Variants in CNOT3 observed in about 807,000 individuals in gnomAD.
The protein encoded by CNOT3 is CCR4-NOT transcription complex subunit 3, also known as CCR4-associated factor 3.
A neutral mutation model predicts 89.4 loss-of-function variants in CNOT3; 2 were observed. The observed-to-expected ratio is 0.02, with a 90% confidence interval of 0.01 to 0.07. The LOEUF (loss-of-function observed/expected upper bound fraction) is 0.07. CNOT3 is among the 10% of genes least tolerant of loss of function. The pLI is 1.00. For synonymous variants in CNOT3, 486 were observed against 402.0 expected (o/e 1.21, Z -2.50); for missense variants, 664 against 1,010.2 (o/e 0.66, Z 4.65).
intron 17 of CNOT3, 197 bp downstream of exon 17, chr19:54,154,037 C>T (rs1568694099): frequency 1.3e-6 from 1 of 754,362 alleles, no homozygotes; most frequent in Non-Finnish European, 2.4e-6. Flanking sequence ...TGGCCAGCTC[C>T]TAGGCCTCCT....
At chr19:54,147,634 C>G (rs1390349207) in intron 10 of CNOT3, among the ~76,000 whole-genome samples, 1 of 152,176 alleles carries the variant, frequency 6.6e-6, no homozygotes, top group South Asian at 2.1e-4. Flanking sequence ...GTAGGGATAC[C>G]ATGAGCACAT....
chr19:54,143,767 G>C lies in CNOT3; in HGVS notation c.258+18G>C. The C allele has an allele frequency of 6.2e-7, 1 of 1,609,700 alleles. No homozygotes were observed. Among genetic ancestry groups the C allele is most frequent in the Non-Finnish European group, 8.5e-7 (1 of 1,176,738 alleles). ...TTGAGACGGTAGGAGCCCAGAGCCTGAGTCCCAGAGAGGTGGGAAGGTCAC... is the reference window on the plus strand; with the variant it reads ...TTGAGACGGTAGGAGCCCAGAGCCTCAGTCCCAGAGAGGTGGGAAGGTCAC... On this transcript the variant is annotated intron_variant, in intron 5 of 17. Transcript: ENST00000221232.
rs1205095100 is a variant in CNOT3, at chr19:54,152,945, A to G, written c.1983A>G (p.Glu661=). 1 of 1,607,180 alleles carries G rather than the reference A, an allele frequency of 6.2e-7. No individual in the cohort carries two copies. Among genetic ancestry groups the G allele is most frequent in the Non-Finnish European group, 8.5e-7 (1 of 1,175,540 alleles). ...CACCCCCACACTCGGACACTGTGGA[A>G]TTCTACCAGCGCCTGTCGACCGAGA... ...QMPPPHSDTV[E]FYQRLSTETL... is the part of the protein sequence containing the mutation. Residue 661 remains glutamate, a synonymous_variant, in exon 16 of 18, where the codon GAA becomes GAG. Coordinates refer to ENST00000221232, the MANE Select transcript of CNOT3 (RefSeq NM_014516.4).
At chr19:54,152,837 C>A (rs1158642780) in intron 15 of CNOT3, 30 bp from the exon 16 acceptor site, 3 of 1,078,226 alleles carry the variant, frequency 2.8e-6, no homozygotes, top group Admixed American at 2.0e-5. Flanking sequence ...TAGTAGGCAG[C>A]TGGCACTGAC....
intron 12 of CNOT3, 40 bp from the exon 13 acceptor site, chr19:54,149,520 G>A: frequency 7.3e-7 from 1 of 1,370,240 alleles, no homozygotes; most frequent in African/African-American, 1.5e-5. Flanking sequence ...CACCCTCAGG[G>A]ACCCTCCTCT....
intron 1 of CNOT3, 157 bp from the exon 2 acceptor site, chr19:54,142,772 C>G (rs1179368044): frequency 3.2e-6 from 2 of 628,510 alleles, no homozygotes; most frequent in Non-Finnish European, 5.8e-6. Context: ...GGCAGTCAAG[C>G]GAGCATCAGG....
At chr19:54,143,356 GA>G (rs2074113217) in intron 3 of CNOT3, 85 bp from the exon 4 acceptor site, 20 of 1,428,412 alleles carry the variant, frequency 1.4e-5, no homozygotes, top group Non-Finnish European at 1.8e-5. Context: ...GGGGGTCCTC[GA>G]GTCCCTAGCA....
At position 54,145,963 on chromosome 19, in the gene CNOT3, A is replaced by C; in HGVS notation, c.757A>C (p.Ile253Leu). ...PPSHSHMEDE[I>L]FNQSSSTPTS... ...CAGCCACAGCCACATGGAGGATGAGATCTTCAACCAGTCCAGCAGCACGCC... is the reference window on the plus strand; with the variant it reads ...CAGCCACAGCCACATGGAGGATGAGCTCTTCAACCAGTCCAGCAGCACGCC... Residue 253 changes from isoleucine to leucine, a missense_variant, in exon 9 of 18, where the codon ATC becomes CTC. Physicochemically the swap from Ile to Leu is conservative, Grantham distance 5. Transcript: ENST00000221232. The surrounding 1 kb of genome is among the most constrained non-coding windows in gnomAD (Gnocchi z 5.9). The C allele has an allele frequency of 6.2e-7, 1 of 1,613,858 alleles. No individual in the cohort carries two copies. Among genetic ancestry groups the C allele is most frequent in the Non-Finnish European group, 8.5e-7 (1 of 1,179,930 alleles).
intron 16 of CNOT3, 134 bp from the exon 17 acceptor site, chr19:54,153,581 C>G: frequency 1.3e-6 from 1 of 789,720 alleles, no homozygotes; most frequent in Admixed American, 1.7e-5. Flanking sequence ...AGCCCCATCT[C>G]CAAGAGGATT....
intron 12 of CNOT3, among the ~76,000 whole-genome samples, chr19:54,149,174 C>T (rs2074900212): frequency 6.6e-6 from 1 of 152,158 alleles, no homozygotes; most frequent in Non-Finnish European, 1.5e-5. Flanking sequence ...CGAAGAATGC[C>T]CTAAGAAAGA....
In CNOT3 at chr19:54,144,216, C is replaced by T. The variant is rs587727667; in HGVS notation, c.388-21C>T. ...GGCGGAACCCTAGCTGATGGGCTTC[C>T]TCTTCCTCTCCCTCCCCTAGAATAC... On this transcript the variant is annotated intron_variant, in intron 6 of 17. Transcript: ENST00000221232. This position sits in a 1 kb window ranked among gnomAD's most constrained non-coding sequence, Gnocchi z 4.8. The T allele has an allele frequency of 3.6e-4, 584 of 1,613,750 alleles. 5 individuals carry two copies. The South Asian group carries it at 6.2e-3, about 17-fold the overall frequency.
chr19:54,152,145 G>A, intron 13 of CNOT3, 81 bp from the exon 14 acceptor site: 1 of 1,483,834 alleles, frequency 6.7e-7, no homozygotes. Context: ...CAGGGCAGGT[G>A]AGAGCATCTG....
intron 17 of CNOT3, chr19:54,154,057 A>G (rs1028832498): frequency 4.1e-6 from 3 of 724,832 alleles, no homozygotes; most frequent in Non-Finnish European, 7.6e-6. Context: ...TGTAGGTCTC[A>G]GCCCAAATGT....
In CNOT3 at chr19:54,148,213, G is replaced by T; in HGVS notation, c.960G>T (p.Pro320=). 6.3e-7 allele frequency: 1 copy of T among 1,591,634 alleles called. No homozygotes were observed. The highest frequency in any genetic ancestry group is 2.3e-5 in the East Asian group (1 of 43,982). The change falls in exon 11 of 18, where the codon CCG becomes CCT. Residue 320 remains proline, a synonymous_variant. Coordinates refer to ENST00000221232, the MANE Select transcript of CNOT3 (RefSeq NM_014516.4). This position sits in a 1 kb window ranked among gnomAD's most constrained non-coding sequence, Gnocchi z 6.3. ...SNQHPQSPAV[P]PTYPSGPPPA... ...AGCACCCTCAGTCCCCAGCTGTGCCGCCCACCTACCCCTCCGGCCCCCCGC... is the reference window on the plus strand; with the variant it reads ...AGCACCCTCAGTCCCCAGCTGTGCCTCCCACCTACCCCTCCGGCCCCCCGC...
rs376079665 is a variant in CNOT3 at position 54,143,022 on chromosome 19, G to A, written c.25+19G>A. On this transcript the variant is annotated intron_variant, in intron 2 of 17. Transcript: ENST00000221232. ...CTCCAAGGTACTAGACTGACTTCCT[G>A]CTGCACCTGTAGCCACATGCTCCCT... The A allele has an allele frequency of 3.7e-6, 6 of 1,613,884 alleles. No homozygotes were observed. The highest frequency in any genetic ancestry group is 5.1e-6 in the Non-Finnish European group (6 of 1,179,948).
chr19:54,152,473 C>A lies in CNOT3; in HGVS notation c.1751C>A (p.Pro584Gln). Reference protein sequence around the residue: ...STSAPPASAQPPLQLSEVNIP... With the variant: ...STSAPPASAQQPLQLSEVNIP... The stretch of plus-strand genomic sequence containing the variant: ...TCAGCACCTCCGGCCTCAGCCCAGC[C>A]GCCCCTGCAGCTGTCAGAGGTGAAC... The change falls in exon 15 of 18, where the codon CCG (proline) becomes CAG (glutamine). Residue 584 changes from proline to glutamine, a missense_variant. By Grantham distance (76) the Pro-to-Gln change is moderately conservative. Transcript: ENST00000221232. 6.2e-7 allele frequency: 1 copy of A among 1,614,198 alleles called. No homozygotes were observed. Among genetic ancestry groups the A allele is most frequent in the Middle Eastern group, 1.6e-4 (1 of 6,062 alleles).
rs1462840358 is a variant in CNOT3, at chr19:54,146,182, G to A, written c.837+139G>A. On this transcript the variant is annotated intron_variant, in intron 9 of 17. Coordinates refer to ENST00000221232, the MANE Select transcript of CNOT3 (RefSeq NM_014516.4). ...TAGGTATCCAGGGTCTAGGCTCTTG[G>A]AGCACACGCTAAGGTCCTATATCTG... 11 of 899,820 alleles carry A rather than the reference G, an allele frequency of 1.2e-5. No individual in the cohort carries two copies. In the East Asian group the frequency reaches 2.6e-4, roughly 21 times the overall value. 55.7% of individuals were successfully genotyped at this position (899,820 alleles called of 1,614,324 possible). A position where few individuals can be genotyped will look rare whatever the true frequency, so the allele number is the denominator to read the frequency against.
intron 1 of CNOT3, chr19:54,142,507 C>A: frequency 4.1e-6 from 1 of 244,296 alleles, no homozygotes; most frequent in South Asian, 5.5e-5. Flanking sequence ...TGAGGGATGA[C>A]CTCTCCTAGC....
intron 13 of CNOT3, among the ~76,000 whole-genome samples, chr19:54,150,930 A>G (rs2075060260): frequency 6.6e-6 from 1 of 151,922 alleles, no homozygotes. Context: ...AGCTGGGATT[A>G]CAGGCGCCTG....
Sources: allele counts gnomAD v4.1 joint callset (sites outside exome capture counted in the v4.1 genomes callset), GRCh38; gene constraint gnomAD v4.1.1; non-coding constraint Gnocchi (gnomAD v3.1); transcripts MANE v1.5; gene names NCBI Gene and HGNC (gene_info 2026-07-23, HGNC 2026-07-21).